RANBP2: variants seen among roughly 807,000 people sequenced by gnomAD.
RANBP2 encodes E3 SUMO-protein ligase RanBP2.
RANBP2 carries 57 observed loss-of-function variants against 303.6 expected under a neutral mutation model. The ratio of observed to expected loss-of-function variants is 0.19; its 90% CI spans 0.15 to 0.23. The LOEUF is 0.23. Ranked by LOEUF, RANBP2 falls within the 10% of genes least tolerant of loss-of-function variation. The pLI, the probability that RANBP2 is intolerant of heterozygous loss-of-function variation, is 1.00. For synonymous variants in RANBP2, 1,167 were observed against 1,301.5 expected (o/e 0.90, Z 2.23); for missense variants, 3,138 against 3,780.8 (o/e 0.83, Z 4.46).
the RANBP2 span, among the ~76,000 whole-genome samples, chr2:109,105,467 C>T: frequency 6.6e-6 from 1 of 152,240 alleles, no homozygotes; most frequent in Admixed American, 6.5e-5. Flanking sequence ...GAGGGCCGAA[C>T]AGCACACTTG....
At chr2:108,963,413 A>AC in the RANBP2 span, among the ~76,000 whole-genome samples, 3 of 152,316 alleles carry the variant, frequency 2.0e-5, no homozygotes, top group East Asian at 5.8e-4. Context: ...TAAAAACTGC[A>AC]CAAGGACATT....
At chr2:108,783,229 T>C (rs1486952559) in intron 28 of RANBP2, among the ~76,000 whole-genome samples, 1 of 145,420 alleles carries the variant, frequency 6.9e-6, no homozygotes, top group Non-Finnish European at 1.5e-5. Context: ...TGATCCCAGC[T>C]ACAAGGAAGC....
the RANBP2 span, chr2:109,432,776 G>A: frequency 1.4e-6 from 2 of 1,427,062 alleles, no homozygotes; most frequent in African/African-American, 2.9e-5. Context: ...GGCCCAGAAG[G>A]CAGCAAGGCC....
chr2:109,188,872 G>A, the RANBP2 span, among the ~76,000 whole-genome samples: 2 of 152,070 alleles, frequency 1.3e-5, no homozygotes, highest in South Asian at 2.1e-4. Context: ...GAACGTGTTC[G>A]CTTTGCCGGG....
the RANBP2 span, among the ~76,000 whole-genome samples, chr2:109,096,183 G>T: frequency 6.6e-6 from 1 of 152,082 alleles, no homozygotes; most frequent in East Asian, 1.9e-4. Context: ...AATTGATTAG[G>T]TTCCCTAAAG....
At chr2:109,488,634 G>C in the RANBP2 span, among the ~76,000 whole-genome samples, 1 of 152,128 alleles carries the variant, frequency 6.6e-6, no homozygotes, top group African/African-American at 2.4e-5. Context: ...TTCTACCCAA[G>C]CAGTTCCCGA....
the RANBP2 span, chr2:109,129,911 G>A: frequency 6.7e-7 from 1 of 1,502,980 alleles, no homozygotes; most frequent in East Asian, 2.7e-5. Flanking sequence ...ATCCGTCAGC[G>A]GCCCCGCGCG....
the RANBP2 span, among the ~76,000 whole-genome samples, chr2:109,717,546 C>T: frequency 6.6e-6 from 1 of 151,452 alleles, no homozygotes; most frequent in Non-Finnish European, 1.5e-5. Flanking sequence ...CTTACCATTG[C>T]ATTCCAGCCT....
At position 108,765,148 on chromosome 2, in the gene RANBP2, G is replaced by A. The variant is rs1375081547; in HGVS notation, c.4609G>A (p.Glu1537Lys). The change falls in exon 20 of 29, where the codon GAA (glutamate) becomes AAA (lysine). Residue 1537 changes from glutamate to lysine, a missense_variant. Physicochemically the swap from Glu to Lys is moderately conservative, Grantham distance 56. Coordinates refer to ENST00000283195, the MANE Select transcript of RANBP2 (RefSeq NM_006267.5). ...AAGTAAAACTCTAAAAAGTGGATTT[G>A]AAGACATGTTTGCTAAGAAGGAAGG... is the stretch of plus-strand genomic sequence containing the variant. ...ETSKTLKSGFEDMFAKKEGQW... is the reference protein window; with the variant it reads ...ETSKTLKSGFKDMFAKKEGQW... The A allele has an allele frequency of 3.7e-6, 6 of 1,613,778 alleles. No homozygotes were observed. In the African/African-American group the frequency reaches 6.7e-5, roughly 18 times the overall value.
chr2:109,183,314 A>G, the RANBP2 span, among the ~76,000 whole-genome samples: 1 of 152,162 alleles, frequency 6.6e-6, no homozygotes, highest in African/African-American at 2.4e-5. Flanking sequence ...CGTGTTCTTA[A>G]TAAAGTAACT....
chr2:109,364,541 T>A, the RANBP2 span, among the ~76,000 whole-genome samples: 4 of 152,236 alleles, frequency 2.6e-5, no homozygotes, highest in African/African-American at 9.6e-5. Context: ...CTGTGATATT[T>A]TCTTGATACC....
the RANBP2 span, among the ~76,000 whole-genome samples, chr2:109,529,638 C>A: frequency 6.6e-6 from 1 of 152,184 alleles, no homozygotes; most frequent in Non-Finnish European, 1.5e-5. Context: ...GAAAGCTGTG[C>A]ATGTCTACAG....
chr2:108,950,276 TTTC>T, the RANBP2 span, among the ~76,000 whole-genome samples: 17 of 149,500 alleles, frequency 1.1e-4, no homozygotes, highest in Admixed American at 2.7e-4. Context: ...TTTTTCTTTC[TTTC>T]TTTTTTTTCT....
intron 1 of RANBP2, among the ~76,000 whole-genome samples, chr2:108,720,762 T>G (rs1694168918): frequency 6.6e-6 from 1 of 152,230 alleles, no homozygotes; most frequent in South Asian, 2.1e-4. Flanking sequence ...TAAAAGGATA[T>G]TGGCGGGGCG....
chr2:109,321,594 A>G, the RANBP2 span, among the ~76,000 whole-genome samples: 1 of 152,400 alleles, frequency 6.6e-6, no homozygotes, highest in Non-Finnish European at 1.5e-5. Flanking sequence ...GACAATCAAT[A>G]GAGGATTACA....
At chr2:109,566,307 G>C in the RANBP2 span, among the ~76,000 whole-genome samples, 2 of 151,828 alleles carry the variant, frequency 1.3e-5, no homozygotes, top group Non-Finnish European at 2.9e-5. Context: ...TTTTAGTAGA[G>C]ACGGCGTTTC....
At position 108,766,786 on chromosome 2, in the gene RANBP2, G is replaced by C; in HGVS notation, c.6247G>C (p.Val2083Leu). 2 of 1,612,018 alleles carry C rather than the reference G, an allele frequency of 1.2e-6. No individual in the cohort carries two copies. Among genetic ancestry groups the C allele is most frequent in the Non-Finnish European group, 1.7e-6 (2 of 1,179,854 alleles). The change falls in exon 20 of 29, where the codon GTG (valine) becomes CTG (leucine). Residue 2083 changes from valine (V) to leucine (L), a missense_variant. Val to Leu is a conservative substitution (Grantham distance 32, BLOSUM62 1). This residue lies in a region of RANBP2 where 103 missense variants were observed against 214.3 expected (regional missense o/e 0.48). Coordinates refer to ENST00000283195, the MANE Select transcript of RANBP2 (RefSeq NM_006267.5). ...GATGCGAAGAGAACAAGTACTAAAA[G>C]TGTGTGCTAATCATTGGATAACGAC... ...MLMRREQVLK[V>L]CANHWITTTM...
In RANBP2 at chr2:108,756,033, A is replaced by G. The variant is rs114697001; in HGVS notation, c.2466+774A>G. ...ACCCCCGAGCCCAGCCCTTTACCGT[A>G]TTTTTGAAAGTACTTTATGTGTCTC... is the stretch of plus-strand genomic sequence containing the variant. On this transcript the variant is annotated intron_variant, in intron 17 of 28. Transcript: ENST00000283195. 9.1e-3 allele frequency among the ~76,000 whole-genome samples: 1,392 copies of G among 152,216 alleles called. 15 individuals are homozygous for G. The highest frequency in any genetic ancestry group is 0.024 in the Middle Eastern group (7 of 294).
At chr2:109,092,081 A>G in the RANBP2 span, among the ~76,000 whole-genome samples, 1 of 151,966 alleles carries the variant, frequency 6.6e-6, no homozygotes, top group Non-Finnish European at 1.5e-5. Flanking sequence ...TTGGTTAGGG[A>G]TCTGATTTGG....
Sources: gnomAD v4.1 joint callset for allele counts (sites outside exome capture counted in the v4.1 genomes callset) on GRCh38, gnomAD v4.1.1 for gene constraint, gnomAD v4.1.1 regional missense constraint, MANE v1.5 for transcripts, NCBI Gene and HGNC (gene_info 2026-07-23, HGNC 2026-07-21) for gene names.